ZEB1: variants seen among roughly 807,000 people sequenced by gnomAD.
ZEB1 encodes zinc finger E-box-binding homeobox 1.
A neutral mutation model predicts 84.9 loss-of-function variants in ZEB1; 21 were observed. The observed-to-expected ratio is 0.25, with a 90% CI of 0.18 to 0.36. The LOEUF (loss-of-function observed/expected upper bound fraction) is 0.36. Ranked by LOEUF, ZEB1 falls within the 10% of genes least tolerant of loss-of-function variation. The probability of loss-of-function intolerance (pLI) is 1.00; values close to 1 mark genes in which losing one functional copy is unlikely to be tolerated. For missense variants in ZEB1, 1,104 were observed against 1,330.2 expected (o/e 0.83, Z 2.65); for synonymous variants, 420 against 471.1 (o/e 0.89, Z 1.41).
At chr10:31,324,599 TGAA>T (rs1378739662) in intron 1 of ZEB1, among the ~76,000 whole-genome samples, 12 of 152,054 alleles carry the variant, frequency 7.9e-5, no homozygotes, top group African/African-American at 2.9e-4. Context: ...TTAGAAAACT[TGAA>T]GCTGTAGAAA....
At chr10:31,337,089 A>G (rs2038253079) in intron 1 of ZEB1, among the ~76,000 whole-genome samples, 1 of 152,238 alleles carries the variant, frequency 6.6e-6, no homozygotes, top group Non-Finnish European at 1.5e-5. Flanking sequence ...TATTTATACA[A>G]TGGAATGCAA....
chr10:31,351,186 C>T (rs532221764), intron 1 of ZEB1, among the ~76,000 whole-genome samples: 1 of 152,124 alleles, frequency 6.6e-6, no homozygotes, highest in Non-Finnish European at 1.5e-5. Flanking sequence ...TTTCTAGTAG[C>T]AACTGAAAAG....
intron 1 of ZEB1, among the ~76,000 whole-genome samples, chr10:31,365,496 A>C (rs1381302683): frequency 6.6e-6 from 1 of 152,250 alleles, no homozygotes; most frequent in Non-Finnish European, 1.5e-5. Flanking sequence ...GTCTGTTGTT[A>C]TGGAATTTTA....
chr10:31,343,758 A>G (rs1474320399), intron 1 of ZEB1, among the ~76,000 whole-genome samples: 1 of 152,144 alleles, frequency 6.6e-6, no homozygotes, highest in Admixed American at 6.6e-5. Context: ...TTTAAATCTT[A>G]GTAGGCAGCA....
intron 2 of ZEB1, among the ~76,000 whole-genome samples, chr10:31,491,364 T>A (rs1393990319): frequency 6.6e-6 from 1 of 151,844 alleles, no homozygotes; most frequent in Non-Finnish European, 1.5e-5. Context: ...ATTCTTGCAG[T>A]TATCATTATC....
chr10:31,485,350 T>C (rs904030995), intron 2 of ZEB1, among the ~76,000 whole-genome samples: 1 of 151,880 alleles, frequency 6.6e-6, no homozygotes, highest in Non-Finnish European at 1.5e-5. Flanking sequence ...AACTAAGGAC[T>C]AACTGAGTTG....
intron 1 of ZEB1, among the ~76,000 whole-genome samples, chr10:31,378,581 A>G (rs186881677): frequency 2.0e-5 from 3 of 151,824 alleles, no homozygotes; most frequent in Admixed American, 2.0e-4. Context: ...TTAACATGCA[A>G]TGATATGAAA....
intron 1 of ZEB1, among the ~76,000 whole-genome samples, chr10:31,327,526 C>G (rs2035823618): frequency 6.6e-6 from 1 of 152,144 alleles, no homozygotes; most frequent in South Asian, 2.1e-4. Flanking sequence ...GCACAAATTA[C>G]CTATCAATTC....
chr10:31,506,196 A>C (rs754235788), intron 4 of ZEB1, among the ~76,000 whole-genome samples: 1 of 152,082 alleles, frequency 6.6e-6, no homozygotes, highest in African/African-American at 2.4e-5. Flanking sequence ...CATACAGTCT[A>C]TCCTAGAGTA....
intron 1 of ZEB1, among the ~76,000 whole-genome samples, chr10:31,339,613 C>CA (rs1238316596): frequency 2.6e-5 from 4 of 151,950 alleles, no homozygotes; most frequent in South Asian, 2.1e-4. Flanking sequence ...ACTAAAAATA[C>CA]AAAAAACTTA....
intron 2 of ZEB1, among the ~76,000 whole-genome samples, chr10:31,483,147 C>T (rs780901571): frequency 7.0e-4 from 106 of 151,956 alleles, no homozygotes; most frequent in Non-Finnish European, 1.3e-3. Flanking sequence ...GAAGGCTGGA[C>T]ACAATAAATT....
intron 2 of ZEB1, among the ~76,000 whole-genome samples, chr10:31,482,717 A>G (rs1236955691): frequency 2.0e-5 from 3 of 152,070 alleles, no homozygotes; most frequent in Non-Finnish European, 4.4e-5. Context: ...AAATGAAGCA[A>G]AATCCTTTCC....
chr10:31,452,702 TGTG>T (rs1173924376), intron 1 of ZEB1, among the ~76,000 whole-genome samples: 86 of 35,776 alleles, frequency 2.4e-3, no homozygotes, highest in African/African-American at 4.2e-3. Context: ...TAGGATAAAA[TGTG>T]TGTGTGTGTG....
At chr10:31,463,261 A>C (rs2062015425) in intron 2 of ZEB1, among the ~76,000 whole-genome samples, 1 of 152,214 alleles carries the variant, frequency 6.6e-6, no homozygotes, top group Admixed American at 6.5e-5. Flanking sequence ...TCTGCTTCTG[A>C]GAATATGTTG....
At chr10:31,457,632 A>G (rs139715326) in intron 1 of ZEB1, among the ~76,000 whole-genome samples, 13 of 152,236 alleles carry the variant, frequency 8.5e-5, no homozygotes, top group Admixed American at 8.5e-4. Context: ...CTATCTTACA[A>G]TGGCAGCTTA....
Position 31,446,521 on chromosome 10 carries a change from A to G in ZEB1, c.59-14516A>G, listed in dbSNP as rs1345467155. Among the ~76,000 whole-genome samples, 173 of 147,232 alleles carry G rather than the reference A, an allele frequency of 1.2e-3. 2 individuals are homozygous for G. The highest frequency in any genetic ancestry group is 3.7e-3 in the African/African-American group (148 of 39,504). On this transcript the variant is annotated intron_variant, in intron 1 of 8. Transcript: ENST00000424869. Reference sequence around the variant, plus strand: ...TGTGATGTTAGGGTGTCAATTTTGGATCTTTCCTGCTTTCTCTTGTGGGCA... The same window carrying G: ...TGTGATGTTAGGGTGTCAATTTTGGGTCTTTCCTGCTTTCTCTTGTGGGCA...
chr10:31,361,854 A>G (rs1341624459), intron 1 of ZEB1, among the ~76,000 whole-genome samples: 22 of 136,008 alleles, frequency 1.6e-4, no homozygotes, highest in African/African-American at 2.8e-4. Flanking sequence ...GGCCGGGCAG[A>G]GGCACTCCTC....
rs745333564 is a variant in ZEB1, at chr10:31,527,142, G to C, written c.3256G>C (p.Glu1086Gln). Residue 1086 changes from glutamate to glutamine, a missense_variant, in exon 9 of 9, where the codon GAA (glutamate) becomes CAA (glutamine). Physicochemically the swap from Glu to Gln is conservative, Grantham distance 29 (BLOSUM62 2). Around this residue, in one of 7 missense-constraint regions of ZEB1, gnomAD observed 173 missense variants for 167.0 expected, o/e 1.04. Coordinates refer to ENST00000424869, the MANE Select transcript of ZEB1 (RefSeq NM_001174096.2). Reference protein sequence around the residue: ...EEVEEAENEGEEAKTEGLMKD... With the variant: ...EEVEEAENEGQEAKTEGLMKD... ...GGTAGAAGAGGCAGAGAATGAGGGAGAAGAAGCAAAAACTGAAGGTCTGAT... is the reference window on the plus strand; with the variant it reads ...GGTAGAAGAGGCAGAGAATGAGGGACAAGAAGCAAAAACTGAAGGTCTGAT... 8.1e-6 allele frequency: 13 copies of C among 1,608,984 alleles called. No individual in the cohort carries two copies. Among genetic ancestry groups the C allele is most frequent in the Non-Finnish European group, 1.0e-5 (12 of 1,177,448 alleles).
intron 1 of ZEB1, chr10:31,373,156 A>C: frequency 1.0e-6 from 1 of 985,348 alleles, no homozygotes; most frequent in Non-Finnish European, 1.2e-6. Context: ...TGGAGTGACT[A>C]TCAAAAGGAA....
Sources: gnomAD v4.1 joint callset for allele counts (sites outside exome capture counted in the v4.1 genomes callset) on GRCh38, gnomAD v4.1.1 for gene constraint, gnomAD v4.1.1 regional missense constraint, MANE v1.5 for transcripts, NCBI Gene and HGNC (gene_info 2026-07-23, HGNC 2026-07-21) for gene names.